ZNF131: variants seen among roughly 807,000 people sequenced by gnomAD.
ZNF131 encodes zinc finger and BTB domain containing 35.
Under a neutral mutation model 60.0 loss-of-function variants are expected in ZNF131, and 7 were observed. The observed-to-expected ratio is 0.12, with a 90% CI of 0.07 to 0.22. ZNF131 has a LOEUF of 0.22. Ranked by LOEUF, ZNF131 falls within the 10% of genes least tolerant of loss-of-function variation. The pLI, the probability that ZNF131 is intolerant of heterozygous loss-of-function variation, is 1.00. For missense variants in ZNF131, 493 were observed against 740.9 expected, an observed-to-expected ratio of 0.67 and a Z score of 3.88; for synonymous variants, 257 against 253.2, an observed-to-expected ratio of 1.01 and a Z score of -0.14.
intron 5 of ZNF131, among the ~76,000 whole-genome samples, chr5:43,164,427 A>G (rs1005181568): frequency 3.9e-5 from 6 of 152,238 alleles, no homozygotes; most frequent in Non-Finnish European, 7.3e-5. Context: ...GTTGGTGAAC[A>G]TTTTTGTGGT....
In ZNF131 at chr5:43,172,074, G is replaced by A. The variant is rs541350201; in HGVS notation, c.1055-1244G>A. On this transcript the variant is annotated intron_variant, in intron 5 of 6. Coordinates refer to ENST00000682664, the MANE Select transcript of ZNF131 (RefSeq NM_001330707.2). ...TGTAGGCCTTCTTAAAGGAATTTTGGTAATGACTGTTTTCATTGTCATCCT... is the reference window on the plus strand; with the variant it reads ...TGTAGGCCTTCTTAAAGGAATTTTGATAATGACTGTTTTCATTGTCATCCT... Among the ~76,000 whole-genome samples the A allele has an allele frequency of 4.9e-4, 75 of 152,332 alleles. 1 individual carries two copies. Among genetic ancestry groups the A allele is most frequent in the African/African-American group, 1.8e-3 (74 of 41,576 alleles).
intron 5 of ZNF131, among the ~76,000 whole-genome samples, chr5:43,168,998 T>G (rs1750670621): frequency 6.6e-6 from 1 of 152,242 alleles, no homozygotes; most frequent in Non-Finnish European, 1.5e-5. Flanking sequence ...CAGATACACC[T>G]GTGGGACACA....
At chr5:43,128,419 G>T (rs1744834865) in intron 3 of ZNF131, among the ~76,000 whole-genome samples, 1 of 152,100 alleles carries the variant, frequency 6.6e-6, no homozygotes, top group African/African-American at 2.4e-5. Context: ...CACTTTGGGA[G>T]GCCGAGCGGG....
chr5:43,152,351 A>G (rs1176136390), intron 4 of ZNF131, among the ~76,000 whole-genome samples: 1 of 152,158 alleles, frequency 6.6e-6, no homozygotes. Flanking sequence ...TGACTTGAGT[A>G]GTAACTGTCC....
At position 43,127,580 on chromosome 5, in the gene ZNF131, C is replaced by T. The variant is rs141334256; in HGVS notation, c.226+4270C>T. ...TAGAGGATTGCGTAAAAGCAAATGA[C>T]GTGTATATAAATTTAGATTGTAATA... is the stretch of plus-strand genomic sequence containing the variant. On this transcript the variant is annotated intron_variant, in intron 3 of 6. Transcript: ENST00000682664. 2.2e-3 allele frequency among the ~76,000 whole-genome samples: 332 copies of T among 152,286 alleles called. 3 individuals carry two copies. Among genetic ancestry groups the T allele is most frequent in the African/African-American group, 7.4e-3 (308 of 41,564 alleles).
At chr5:43,146,704 G>A (rs1304365945) in intron 4 of ZNF131, among the ~76,000 whole-genome samples, 1 of 152,036 alleles carries the variant, frequency 6.6e-6, no homozygotes, top group African/African-American at 2.4e-5. Flanking sequence ...TCAGGAGTTC[G>A]AGACCAGCCT....
intron 5 of ZNF131, among the ~76,000 whole-genome samples, chr5:43,169,831 C>A (rs1352807433): frequency 6.6e-6 from 1 of 151,454 alleles, no homozygotes; most frequent in Non-Finnish European, 1.5e-5. Context: ...GGCACTATCA[C>A]CCAGACTGGA....
intron 4 of ZNF131, among the ~76,000 whole-genome samples, chr5:43,143,034 T>G (rs1747063458): frequency 6.6e-6 from 1 of 150,812 alleles, no homozygotes; most frequent in Admixed American, 6.6e-5. Context: ...AGCTTTTTTT[T>G]TTTTTTTTGA....
intron 4 of ZNF131, among the ~76,000 whole-genome samples, chr5:43,150,796 C>G (rs1748207696): frequency 6.6e-6 from 1 of 151,836 alleles, no homozygotes; most frequent in Admixed American, 6.6e-5. Flanking sequence ...ACAAAAAACA[C>G]AGGGACCAGG....
chr5:43,146,317 G>C (rs1444392662), intron 4 of ZNF131, among the ~76,000 whole-genome samples: 2 of 152,212 alleles, frequency 1.3e-5, no homozygotes, highest in African/African-American at 4.8e-5. Flanking sequence ...GCCGGGCGCG[G>C]TGGCTCACGC....
intron 3 of ZNF131, among the ~76,000 whole-genome samples, chr5:43,133,228 G>A (rs1010046034): frequency 2.6e-5 from 4 of 152,154 alleles, no homozygotes; most frequent in African/African-American, 9.7e-5. Flanking sequence ...CACTTTGGGA[G>A]GCCGAGGTGG....
At chr5:43,139,122 G>A in intron 3 of ZNF131, 43 bp from the exon 4 acceptor site, 1 of 1,428,334 alleles carries the variant, frequency 7.0e-7, no homozygotes, top group Admixed American at 2.5e-5. Flanking sequence ...TGTAAGATTT[G>A]AGTCAATATG....
intron 3 of ZNF131, among the ~76,000 whole-genome samples, chr5:43,129,629 G>C (rs1745040390): frequency 6.6e-6 from 1 of 152,098 alleles, no homozygotes; most frequent in Non-Finnish European, 1.5e-5. Flanking sequence ...AAATTTTGCT[G>C]CCAGATTTAT....
At chr5:43,174,025 C>G (rs376632611) in intron 6 of ZNF131, among the ~76,000 whole-genome samples, 3 of 152,088 alleles carry the variant, frequency 2.0e-5, no homozygotes, top group East Asian at 1.9e-4. Flanking sequence ...GTCAGGAGTT[C>G]AAGACCAGGC....
At chr5:43,145,604 G>A (rs919814582) in intron 4 of ZNF131, among the ~76,000 whole-genome samples, 2 of 151,918 alleles carry the variant, frequency 1.3e-5, no homozygotes, top group Non-Finnish European at 2.9e-5. Context: ...AGTAAGCCAA[G>A]ATCGCACCAC....
At chr5:43,126,075 T>G (rs1239212269) in intron 3 of ZNF131, among the ~76,000 whole-genome samples, 1 of 152,228 alleles carries the variant, frequency 6.6e-6, no homozygotes, top group Non-Finnish European at 1.5e-5. Flanking sequence ...CAAGGTCACC[T>G]GGCTGTGGAG....
chr5:43,170,910 C>T (rs944299554), intron 5 of ZNF131, among the ~76,000 whole-genome samples: 1 of 151,220 alleles, frequency 6.6e-6, no homozygotes, highest in Admixed American at 6.6e-5. Context: ...GCTGGGATTA[C>T]AGGTGTGATG....
chr5:43,147,412 T>A (rs1286294675), intron 4 of ZNF131, among the ~76,000 whole-genome samples: 3 of 149,838 alleles, frequency 2.0e-5, no homozygotes, highest in Non-Finnish European at 2.9e-5. Context: ...TATTTTATTT[T>A]ATTTATTTAT....
intron 4 of ZNF131, among the ~76,000 whole-genome samples, chr5:43,141,834 T>A (rs1746867633): frequency 6.6e-6 from 1 of 151,944 alleles, no homozygotes; most frequent in Admixed American, 6.6e-5. Context: ...ATAAACACAG[T>A]AACATGTTGA....
Sources: gnomAD v4.1 joint callset for allele counts (sites outside exome capture counted in the v4.1 genomes callset) on GRCh38, gnomAD v4.1.1 for gene constraint, MANE v1.5 for transcripts, NCBI Gene and HGNC (gene_info 2026-07-23, HGNC 2026-07-21) for gene names.